SLC24A2: variants seen among roughly 807,000 people sequenced by gnomAD.
SLC24A2 encodes the protein solute carrier family 24 member 2, also known as sodium/potassium/calcium exchanger 2.
In SLC24A2, 36 loss-of-function variants were observed where a neutral mutation model predicts 62.0. That is an observed-to-expected ratio of 0.58 (90% CI 0.44 to 0.77). The LOEUF (loss-of-function observed/expected upper bound fraction) is 0.77, where lower values mean the gene tolerates loss of function less well. Among genes scored for constraint, SLC24A2 ranks in the 30% least tolerant of loss-of-function variants. SLC24A2 has a pLI of 0.00. For synonymous variants in SLC24A2, 358 were observed against 294.0 expected (o/e 1.22, Z -2.23); for missense variants, 846 against 817.9 (o/e 1.03, Z -0.42).
intron 2 of SLC24A2, among the ~76,000 whole-genome samples, chr9:19,685,444 A>G (rs191242498): frequency 6.6e-6 from 1 of 152,238 alleles, no homozygotes; most frequent in East Asian, 1.9e-4. Context: ...AAGGAGCTCA[A>G]ATAGCCAAGG....
chr9:19,977,742 T>A, the SLC24A2 span, among the ~76,000 whole-genome samples: 4 of 152,266 alleles, frequency 2.6e-5, no homozygotes, highest in East Asian at 7.7e-4. Context: ...CAAATGATCT[T>A]CAGCTGAGGG....
At chr9:20,137,451 C>A in the SLC24A2 span, among the ~76,000 whole-genome samples, 2 of 152,090 alleles carry the variant, frequency 1.3e-5, no homozygotes, top group Admixed American at 1.3e-4. Context: ...AAAAAGAGGG[C>A]TTACATCTCA....
At chr9:19,733,823 A>G (rs1223459161) in intron 2 of SLC24A2, among the ~76,000 whole-genome samples, 4 of 152,096 alleles carry the variant, frequency 2.6e-5, no homozygotes, top group African/African-American at 9.7e-5. Flanking sequence ...CTCTGGGCCA[A>G]ACCTTTGTGA....
the SLC24A2 span, among the ~76,000 whole-genome samples, chr9:19,890,796 C>A: frequency 6.6e-6 from 1 of 152,136 alleles, no homozygotes; most frequent in Non-Finnish European, 1.5e-5. Context: ...CAGGCACGTA[C>A]CATCCCATAG....
At chr9:20,120,471 C>T in the SLC24A2 span, among the ~76,000 whole-genome samples, 20 of 152,226 alleles carry the variant, frequency 1.3e-4, no homozygotes, top group African/African-American at 4.6e-4. Context: ...TCAAATACCA[C>T]TTGTTCTCAT....
chr9:19,560,944 G>GAC (rs56842170), intron 7 of SLC24A2, among the ~76,000 whole-genome samples: 1 of 143,118 alleles, frequency 7.0e-6, no homozygotes, highest in Non-Finnish European at 1.5e-5. Context: ...GAGAGAGAGA[G>GAC]AGACAGAGTC....
At chr9:19,896,153 C>T in the SLC24A2 span, among the ~76,000 whole-genome samples, 4 of 152,152 alleles carry the variant, frequency 2.6e-5, no homozygotes, top group East Asian at 3.9e-4. Flanking sequence ...GCCTGTTTAA[C>T]GTTTTGCTCG....
chr9:19,547,037 G>A lies in SLC24A2; in HGVS notation c.1479+3100C>T, dbSNP rs578052931. On this transcript the variant is annotated intron_variant, in intron 8 of 10. Coordinates refer to ENST00000341998, the MANE Select transcript of SLC24A2 (RefSeq NM_020344.4). Reference sequence around the variant, plus strand: ...ATCACCTGCCTTCTGTGGCGATCTCGCTGGGAGCTGCATACTGGAGCTGTT... The same window carrying A: ...ATCACCTGCCTTCTGTGGCGATCTCACTGGGAGCTGCATACTGGAGCTGTT... 1.2e-3 allele frequency among the ~76,000 whole-genome samples: 183 copies of A among 152,230 alleles called. 1 individual carries two copies. The highest frequency in any genetic ancestry group is 4.3e-3 in the African/African-American group (178 of 41,534).
the SLC24A2 span, among the ~76,000 whole-genome samples, chr9:19,834,560 A>C: frequency 1.3e-5 from 2 of 152,180 alleles, no homozygotes; most frequent in African/African-American, 2.4e-5. Flanking sequence ...AGCCTCCAAG[A>C]AATATGGGAC....
chr9:20,258,849 CTATCTAATGTCT>C, the SLC24A2 span, among the ~76,000 whole-genome samples: 3 of 141,430 alleles, frequency 2.1e-5, no homozygotes, highest in South Asian at 2.4e-4. Context: ...ATCTATCTAT[CTATCTAATGTCT>C]ATCTATCCAT....
intron 4 of SLC24A2, among the ~76,000 whole-genome samples, chr9:19,602,641 C>T (rs1161875387): frequency 6.6e-6 from 1 of 152,164 alleles, no homozygotes; most frequent in Non-Finnish European, 1.5e-5. Context: ...TTCAGCTGTT[C>T]AGGAAAGTGG....
chr9:20,238,470 A>G, the SLC24A2 span, among the ~76,000 whole-genome samples: 1 of 152,216 alleles, frequency 6.6e-6, no homozygotes, highest in Non-Finnish European at 1.5e-5. Context: ...AAAGAAAGCA[A>G]AGGGGTTCAT....
chr9:20,182,822 T>C, the SLC24A2 span, among the ~76,000 whole-genome samples: 2 of 152,150 alleles, frequency 1.3e-5, no homozygotes, highest in Non-Finnish European at 2.9e-5. Context: ...GAATTCACAT[T>C]CATGTATAAG....
intron 8 of SLC24A2, among the ~76,000 whole-genome samples, chr9:19,545,451 C>G (rs971476098): frequency 6.6e-6 from 1 of 151,940 alleles, no homozygotes; most frequent in African/African-American, 2.4e-5. Flanking sequence ...ACTCATTCTC[C>G]ATCCATTTTT....
the SLC24A2 span, among the ~76,000 whole-genome samples, chr9:19,965,251 G>A: frequency 1.3e-5 from 2 of 152,076 alleles, no homozygotes; most frequent in Non-Finnish European, 2.9e-5. Flanking sequence ...AAGGCAGACC[G>A]CAGCACTGGC....
chr9:20,224,797 G>C, the SLC24A2 span, among the ~76,000 whole-genome samples: 2 of 152,032 alleles, frequency 1.3e-5, no homozygotes, highest in South Asian at 2.1e-4. Flanking sequence ...GATCATTTTC[G>C]TGGGGCTAAT....
chr9:19,943,565 C>T, the SLC24A2 span, among the ~76,000 whole-genome samples: 5 of 152,062 alleles, frequency 3.3e-5, no homozygotes, highest in African/African-American at 1.2e-4. Context: ...CTATTAGTTG[C>T]TAGCAAGAAT....
chr9:20,198,717 T>C, the SLC24A2 span, among the ~76,000 whole-genome samples: 22 of 141,638 alleles, frequency 1.6e-4, no homozygotes, highest in African/African-American at 5.6e-4. Context: ...CCCCAAGCCA[T>C]CCACCCCGAG....
At chr9:20,107,860 T>A in the SLC24A2 span, among the ~76,000 whole-genome samples, 1 of 151,998 alleles carries the variant, frequency 6.6e-6, no homozygotes, top group Non-Finnish European at 1.5e-5. Context: ...CTAATTAACC[T>A]AAAGAGCTTC....
Sources: gnomAD v4.1 joint callset for allele counts (sites outside exome capture counted in the v4.1 genomes callset) on GRCh38, gnomAD v4.1.1 for gene constraint, MANE v1.5 for transcripts, NCBI Gene and HGNC (gene_info 2026-07-23, HGNC 2026-07-21) for gene names.